The following GPC5 variants were observed in gnomAD, a reference collection of about 807,000 sequenced individuals.
GPC5 encodes glypican-5.
In GPC5, 47 loss-of-function variants were observed where a neutral mutation model predicts 53.9. That is an observed-to-expected ratio of 0.87 (90% CI 0.69 to 1.11). The LOEUF is 1.11. Among genes scored for constraint, GPC5 ranks in the 50% most tolerant of loss-of-function variants. GPC5 has a pLI of 0.00. For missense variants in GPC5, 748 were observed against 713.1 expected (o/e 1.05, Z -0.56); for synonymous variants, 286 against 263.3 (o/e 1.09, Z -0.84).
chr13:92,796,788 G>A (rs756327829), intron 7 of GPC5, among the ~76,000 whole-genome samples: 4 of 151,648 alleles, frequency 2.6e-5, no homozygotes, highest in East Asian at 3.9e-4. Flanking sequence ...TTTTAAACCC[G>A]ATCTCCACTA....
At chr13:91,690,211 G>A (rs1318831998) in intron 2 of GPC5, among the ~76,000 whole-genome samples, 1 of 152,170 alleles carries the variant, frequency 6.6e-6, no homozygotes, top group African/African-American at 2.4e-5. Context: ...TCAAAGGGTA[G>A]TAAAGTCAAT....
At chr13:91,952,082 T>A (rs2040030628) in intron 6 of GPC5, among the ~76,000 whole-genome samples, 1 of 152,120 alleles carries the variant, frequency 6.6e-6, no homozygotes, top group Admixed American at 6.6e-5. Flanking sequence ...CAGTAACGAC[T>A]TTTGAATGTC....
chr13:92,468,600 T>A (rs2139419016), intron 7 of GPC5, among the ~76,000 whole-genome samples: 1 of 152,220 alleles, frequency 6.6e-6, no homozygotes, highest in Non-Finnish European at 1.5e-5. Context: ...ATAAGCAAAA[T>A]ATTCCATACT....
intron 7 of GPC5, among the ~76,000 whole-genome samples, chr13:92,555,486 T>A (rs543185849): frequency 2.0e-5 from 3 of 151,314 alleles, no homozygotes; most frequent in Admixed American, 2.0e-4. Context: ...CTTATAAACA[T>A]ATGCAACAAA....
intron 7 of GPC5, among the ~76,000 whole-genome samples, chr13:92,310,495 A>G (rs1455220249): frequency 6.6e-6 from 1 of 152,136 alleles, no homozygotes; most frequent in Non-Finnish European, 1.5e-5. Context: ...TTTCTGGAAA[A>G]CAGAAATGTG....
In GPC5 at chr13:92,101,295, T is replaced by G. The variant is rs1485143063; in HGVS notation, c.1402-43535T>G. ...TTAATATGCAAAGCTACCAATAAGA[T>G]GCTCAATTTCAAAATGATATTTTAT... On this transcript the variant is annotated intron_variant, in intron 6 of 7. Transcript: ENST00000377067. Among the ~76,000 whole-genome samples the G allele has an allele frequency of 2.0e-5, 3 of 152,240 alleles. No individual in the cohort carries two copies. In the East Asian group the frequency reaches 5.8e-4, roughly 29 times the overall value.
At chr13:92,768,910 C>T (rs899461456) in intron 7 of GPC5, among the ~76,000 whole-genome samples, 7 of 151,916 alleles carry the variant, frequency 4.6e-5, no homozygotes, top group African/African-American at 1.2e-4. Flanking sequence ...TCTCCAACGT[C>T]GAGGATATGT....
intron 7 of GPC5, among the ~76,000 whole-genome samples, chr13:92,374,443 T>C (rs1372937153): frequency 6.6e-6 from 1 of 152,044 alleles, no homozygotes. Flanking sequence ...TAATAAGATA[T>C]ATATATGCAC....
chr13:91,432,203 C>CTGCTG lies in GPC5; in HGVS notation c.164-16556_164-16555insCTGTG, dbSNP rs1555306318. ...GCTTCCACTGCTGCTGCTGCTGCTGCTGTGTGTGTGTGTGTGTGTGTGTGT... is the reference window on the plus strand; with the variant it reads ...GCTTCCACTGCTGCTGCTGCTGCTGCTGCTGTGTGTGTGTGTGTGTGTGTGTGTGT... On this transcript the variant is annotated intron_variant, in intron 1 of 7. Transcript: ENST00000377067. 4.5e-4 allele frequency among the ~76,000 whole-genome samples: 62 copies of CTGCTG among 136,450 alleles called. 1 individual carries two copies. Among genetic ancestry groups the CTGCTG allele is most frequent in the African/African-American group, 1.4e-3 (49 of 36,094 alleles). 89.5% of individuals were successfully genotyped at this position (136,450 alleles called of 152,430 possible).
chr13:91,646,984 TATC>T (rs770206747), intron 2 of GPC5, among the ~76,000 whole-genome samples: 73 of 152,222 alleles, frequency 4.8e-4, no homozygotes, highest in South Asian at 6.2e-4. Flanking sequence ...AAATCATTAT[TATC>T]CATTAAAAAT....
In GPC5 at chr13:91,571,754, T is replaced by C. The variant is rs138967774; in HGVS notation, c.326-121433T>C. 2.4e-3 allele frequency among the ~76,000 whole-genome samples: 334 copies of C among 137,830 alleles called. 2 individuals are homozygous for C. The highest frequency in any genetic ancestry group is 3.6e-3 in the Non-Finnish European group (229 of 64,298). 90.4% of individuals were successfully genotyped at this position (137,830 alleles called of 152,430 possible). On this transcript the variant is annotated intron_variant, in intron 2 of 7. Coordinates refer to ENST00000377067, the MANE Select transcript of GPC5 (RefSeq NM_004466.6). Reference sequence around the variant, plus strand: ...ATATATATATGTATATATACACACATATACATGTGTATGTGTATATACACA... The same window carrying C: ...ATATATATATGTATATATACACACACATACATGTGTATGTGTATATACACA...
rs1182917560 is a variant in GPC5, at chr13:91,693,454, G to A, written c.593G>A (p.Arg198His). ...LEYSECIRMA[R>H]RDVSPFGNIP... ...TACTCAGAATGCATCCGGATGGCTCGCCGGGATGTGAGTCCATTTGGTAAT... is the reference window on the plus strand; with the variant it reads ...TACTCAGAATGCATCCGGATGGCTCACCGGGATGTGAGTCCATTTGGTAAT... Residue 198 changes from arginine to histidine, a missense_variant, in exon 3 of 8, where the codon CGC becomes CAC. Physicochemically the swap from Arg to His is conservative, Grantham distance 29. Transcript: ENST00000377067. 9 of 1,613,932 alleles carry A rather than the reference G, an allele frequency of 5.6e-6. No individual in the cohort carries two copies. Among genetic ancestry groups the A allele is most frequent in the Middle Eastern group, 1.6e-4 (1 of 6,084 alleles).
At chr13:91,593,472 CT>C (rs11287961) in intron 2 of GPC5, among the ~76,000 whole-genome samples, 108,407 of 151,986 alleles carry the variant, frequency 0.71, 40,488 homozygotes, top group East Asian at 0.91. Context: ...GTCTCTGGGC[CT>C]TTCTATATGA....
At chr13:92,469,580 G>C (rs193104350) in intron 7 of GPC5, among the ~76,000 whole-genome samples, 2 of 152,160 alleles carry the variant, frequency 1.3e-5, no homozygotes, top group East Asian at 3.9e-4. Context: ...TATAATTGCT[G>C]AGTTGGAGTA....
intron 4 of GPC5, among the ~76,000 whole-genome samples, chr13:91,732,695 TA>T (rs1385333119): frequency 6.6e-6 from 1 of 152,240 alleles, no homozygotes; most frequent in Non-Finnish European, 1.5e-5. Flanking sequence ...AGTTAATTTT[TA>T]TATAGGGTGT....
intron 7 of GPC5, among the ~76,000 whole-genome samples, chr13:92,767,156 T>C (rs1310103191): frequency 6.6e-6 from 1 of 152,172 alleles, no homozygotes; most frequent in Admixed American, 6.6e-5. Context: ...TTTGTTTTTC[T>C]CTGTTAACGG....
At chr13:91,939,136 T>A (rs2039900823) in intron 6 of GPC5, among the ~76,000 whole-genome samples, 1 of 152,034 alleles carries the variant, frequency 6.6e-6, no homozygotes, top group African/African-American at 2.4e-5. Context: ...AAGTGAATGA[T>A]AGAAAAAAAT....
At chr13:92,616,589 T>C (rs911670706) in intron 7 of GPC5, among the ~76,000 whole-genome samples, 3 of 152,216 alleles carry the variant, frequency 2.0e-5, no homozygotes, top group Non-Finnish European at 4.4e-5. Context: ...TAATATATTT[T>C]AGGAACCGTG....
Position 92,538,653 on chromosome 13 carries a change from C to T in GPC5, c.1562-327629C>T, listed in dbSNP as rs1298551129. Among the ~76,000 whole-genome samples the T allele has an allele frequency of 2.1e-5, 3 of 143,868 alleles. No homozygotes were observed. In the Admixed American group the frequency reaches 2.2e-4, roughly 10 times the overall value. 94.4% of individuals were successfully genotyped at this position (143,868 alleles called of 152,430 possible). ...GCAGGCCCCGGTGTGTGATGTTCCC[C>T]TCCCTGTGCCCATATGTTCTCATTG... On this transcript the variant is annotated intron_variant, in intron 7 of 7. Coordinates refer to ENST00000377067, the MANE Select transcript of GPC5 (RefSeq NM_004466.6).
Sources: gnomAD v4.1 joint callset for allele counts (sites outside exome capture counted in the v4.1 genomes callset) on GRCh38, gnomAD v4.1.1 for gene constraint, MANE v1.5 for transcripts, NCBI Gene and HGNC (gene_info 2026-07-23, HGNC 2026-07-21) for gene names.